ARHGEF28: variants seen among roughly 807,000 people sequenced by gnomAD.
ARHGEF28 encodes the protein Rho guanine nucleotide exchange factor 28.
A neutral mutation model predicts 206.6 loss-of-function variants in ARHGEF28; 152 were observed. The observed-to-expected ratio is 0.74, with a 90% CI of 0.64 to 0.84. The LOEUF (loss-of-function observed/expected upper bound fraction) is 0.84, where lower values mean the gene tolerates loss of function less well. ARHGEF28 is among the 40% of genes least tolerant of loss of function. The probability of loss-of-function intolerance (pLI) is 0.00; values close to 1 mark genes in which losing one functional copy is unlikely to be tolerated. For missense variants in ARHGEF28, 2,028 were observed against 2,073.2 expected, an observed-to-expected ratio of 0.98 and a Z score of 0.42; for synonymous variants, 763 against 776.4, an observed-to-expected ratio of 0.98 and a Z score of 0.29.
chr5:73,837,864 C>T (rs1473807852), intron 10 of ARHGEF28, among the ~76,000 whole-genome samples: 2 of 151,886 alleles, frequency 1.3e-5, no homozygotes, highest in Non-Finnish European at 2.9e-5. Context: ...GCCTTAGCCT[C>T]CAGAGTAGCT....
chr5:73,863,527 C>T (rs989508905), intron 16 of ARHGEF28, among the ~76,000 whole-genome samples: 3 of 151,992 alleles, frequency 2.0e-5, no homozygotes, highest in Non-Finnish European at 4.4e-5. Flanking sequence ...TCCTTGCGGT[C>T]CTTGCCTGTC....
chr5:73,702,966 A>G (rs1452932243), intron 2 of ARHGEF28, among the ~76,000 whole-genome samples: 1 of 152,208 alleles, frequency 6.6e-6, no homozygotes, highest in Non-Finnish European at 1.5e-5. Context: ...AAGAGTTTAT[A>G]TGGTGAGTTT....
intron 1 of ARHGEF28, among the ~76,000 whole-genome samples, chr5:73,647,419 AT>A (rs1744501626): frequency 6.6e-6 from 1 of 152,248 alleles, no homozygotes; most frequent in South Asian, 2.1e-4. Flanking sequence ...TGTTAGTCTC[AT>A]TAGCCAAAAC....
chr5:73,892,056 A>C lies in ARHGEF28; in HGVS notation c.3392A>C (p.Gln1131Pro). The change falls in exon 27 of 36, where the codon CAG (glutamine) becomes CCG (proline). Residue 1131 changes from glutamine to proline, a missense_variant. Around this residue, in one of 3 missense-constraint regions of ARHGEF28, gnomAD observed 803 missense variants for 768.0 expected, o/e 1.05. Transcript: ENST00000513042. ...TCACCTTCCTATTTTATGTAGGATC[A>C]GAAGCCATCAGTTATTTCCCTTCAA... is the stretch of plus-strand genomic sequence containing the variant. ...DQKYIFAAVDQKPSVISLQKL... is the reference protein window; with the variant it reads ...DQKYIFAAVDPKPSVISLQKL... 1 of 1,599,734 alleles carries C rather than the reference A, an allele frequency of 6.3e-7. No homozygotes were observed. The highest frequency in any genetic ancestry group is 1.1e-5 in the South Asian group (1 of 88,030).
chr5:73,667,625 C>T (rs972440592), intron 1 of ARHGEF28, among the ~76,000 whole-genome samples: 1 of 152,188 alleles, frequency 6.6e-6, no homozygotes, highest in Non-Finnish European at 1.5e-5. Context: ...TTGGCCACAC[C>T]TTTAGTATTC....
chr5:73,794,847 T>A (rs534436898), intron 8 of ARHGEF28, among the ~76,000 whole-genome samples: 1 of 152,332 alleles, frequency 6.6e-6, no homozygotes, highest in African/African-American at 2.4e-5. Context: ...CCTCAGGTGA[T>A]CTGCCCGCCT....
chr5:73,722,390 A>C (rs946555958), intron 2 of ARHGEF28, among the ~76,000 whole-genome samples: 1 of 152,256 alleles, frequency 6.6e-6, no homozygotes, highest in African/African-American at 2.4e-5. Flanking sequence ...TATTTACCAG[A>C]TGTCCTGGGA....
chr5:73,913,187 G>A (rs1210631152), intron 35 of ARHGEF28, among the ~76,000 whole-genome samples: 1 of 152,200 alleles, frequency 6.6e-6, no homozygotes, highest in Non-Finnish European at 1.5e-5. Flanking sequence ...TATGTCCAGA[G>A]TAGGCCAAGG....
intron 4 of ARHGEF28, among the ~76,000 whole-genome samples, chr5:73,761,654 GT>G (rs1752607613): frequency 6.6e-6 from 1 of 152,038 alleles, no homozygotes; most frequent in Non-Finnish European, 1.5e-5. Context: ...CCTACCCTAG[GT>G]CCCCATATAC....
chr5:73,912,663 G>A (rs1453072745), intron 35 of ARHGEF28, among the ~76,000 whole-genome samples: 2 of 152,140 alleles, frequency 1.3e-5, no homozygotes, highest in Non-Finnish European at 2.9e-5. Flanking sequence ...GTTTTTTAAA[G>A]TATTATTTCA....
rs781224498 is a variant in ARHGEF28, at chr5:73,865,968, T to C, written c.2107T>C (p.Phe703Leu). ...TGTTTCTAATATTCTTTACCAGAAA[T>C]TCCAAGAGAAATATAACAAGAACAA... ...KDAAPACTKK[F>L]QEKYNKNKPQ... The change falls in exon 18 of 36, where the codon TTC becomes CTC. Residue 703 changes from phenylalanine to leucine, a missense_variant. Phe to Leu is a conservative substitution (Grantham distance 22). Around this residue, in one of 3 missense-constraint regions of ARHGEF28, gnomAD observed 1,002 missense variants for 1,015.3 expected, o/e 0.99. Transcript: ENST00000513042. The C allele has an allele frequency of 6.3e-7, 1 of 1,594,708 alleles. No homozygotes were observed. Among genetic ancestry groups the C allele is most frequent in the South Asian group, 1.1e-5 (1 of 89,336 alleles).
intron 7 of ARHGEF28, among the ~76,000 whole-genome samples, chr5:73,785,964 C>T (rs966606633): frequency 1.3e-5 from 2 of 149,406 alleles, no homozygotes; most frequent in South Asian, 2.1e-4. Context: ...CAGGTGGACA[C>T]GTGTCCTTAG....
At chr5:73,761,873 T>A (rs1307677759) in intron 4 of ARHGEF28, among the ~76,000 whole-genome samples, 1 of 152,044 alleles carries the variant, frequency 6.6e-6, no homozygotes, top group East Asian at 1.9e-4. Flanking sequence ...ATTTGTTGAT[T>A]TTTTTTAAGA....
At chr5:73,640,142 A>G (rs1472044838) in intron 1 of ARHGEF28, among the ~76,000 whole-genome samples, 1 of 152,170 alleles carries the variant, frequency 6.6e-6, no homozygotes, top group African/African-American at 2.4e-5. Flanking sequence ...GACATTTCTT[A>G]TCTGGGCTCC....
intron 13 of ARHGEF28, 131 bp from the exon 14 acceptor site, chr5:73,852,519 C>G (rs548448694): frequency 1.3e-6 from 1 of 773,870 alleles, no homozygotes; most frequent in Non-Finnish European, 2.2e-6. Flanking sequence ...TATAAGGTAA[C>G]TCATTTTCTC....
intron 1 of ARHGEF28, among the ~76,000 whole-genome samples, chr5:73,636,805 C>T (rs771043027): frequency 2.0e-5 from 3 of 152,168 alleles, no homozygotes; most frequent in African/African-American, 4.8e-5. Context: ...ACCATCTCCA[C>T]GGTGTGTTCC....
At chr5:73,924,803 G>T (rs571318174) in intron 35 of ARHGEF28, among the ~76,000 whole-genome samples, 10 of 152,178 alleles carry the variant, frequency 6.6e-5, no homozygotes, top group Non-Finnish European at 1.3e-4. Flanking sequence ...CTGTGAATCT[G>T]CAGAATTGGC....
In ARHGEF28 at chr5:73,663,595, A is replaced by G. The variant is rs1343654295; in HGVS notation, c.-11-21246A>G. Among the ~76,000 whole-genome samples the G allele has an allele frequency of 2.6e-5, 4 of 152,308 alleles. No individual in the cohort carries two copies. The East Asian group carries it at 7.7e-4, about 29-fold the overall frequency. ...CCTCTGTAAGCTCCGAGCATTGTGC[A>G]TTACTATTAAACTATTTGTTTAGCT... is the stretch of plus-strand genomic sequence containing the variant. On this transcript the variant is annotated intron_variant, in intron 1 of 35. Coordinates refer to ENST00000513042, the MANE Select transcript of ARHGEF28 (RefSeq NM_001177693.2).
At chr5:73,867,830 A>G in intron 18 of ARHGEF28, 46 bp from the exon 19 acceptor site, 1 of 1,611,950 alleles carries the variant, frequency 6.2e-7, no homozygotes. Flanking sequence ...TTTTACTTGT[A>G]ATTACTGACC....
Sources: allele counts gnomAD v4.1 joint callset (sites outside exome capture counted in the v4.1 genomes callset), GRCh38; gene constraint gnomAD v4.1.1; regional missense constraint gnomAD v4.1.1; transcripts MANE v1.5; gene names NCBI Gene and HGNC (gene_info 2026-07-23, HGNC 2026-07-21).